MTOR: variants seen among roughly 807,000 people sequenced by gnomAD.
The protein encoded by MTOR is mechanistic target of rapamycin kinase, also known as serine/threonine-protein kinase mTOR.
In MTOR, 70 loss-of-function variants were observed where a neutral mutation model predicts 319.8. The observed-to-expected ratio is 0.22, with a 90% CI of 0.18 to 0.27. The LOEUF is 0.27. Among genes scored for constraint, MTOR ranks in the 10% least tolerant of loss-of-function variants. MTOR has a pLI of 1.00. For missense variants in MTOR, 1,890 were observed against 3,274.4 expected (o/e 0.58, Z 10.32); for synonymous variants, 1,183 against 1,211.4 (o/e 0.98, Z 0.49).
At chr1:11,257,309 G>A (rs965908835) in intron 3 of MTOR, 144 bp from the exon 4 acceptor site, 1 of 689,452 alleles carries the variant, frequency 1.5e-6, no homozygotes, top group East Asian at 2.8e-5. Context: ...GCTGAGGCGG[G>A]CGGATTGCCT....
chr1:11,116,161 A>T (rs1259586157), intron 50 of MTOR, among the ~76,000 whole-genome samples: 1 of 152,228 alleles, frequency 6.6e-6, no homozygotes, highest in Non-Finnish European at 1.5e-5. Context: ...CGTAAATTAC[A>T]TGTTCAGTCA....
intron 28 of MTOR, chr1:11,195,012 T>C: frequency 6.2e-7 from 1 of 1,613,604 alleles, no homozygotes; most frequent in African/African-American, 1.3e-5. Context: ...CCCAGAAGAC[T>C]TCAAGCCTTA....
chr1:11,162,119 G>T (rs1644495436), intron 29 of MTOR, among the ~76,000 whole-genome samples: 1 of 152,232 alleles, frequency 6.6e-6, no homozygotes, highest in Non-Finnish European at 1.5e-5. Flanking sequence ...ACCATGGCAT[G>T]AGAACTACGT....
rs1359089231 is a variant in MTOR, at chr1:11,257,035, G to T, written c.402C>A (p.Ala134=). Residue 134 remains alanine (A), a synonymous_variant, in exon 4 of 58, where the codon GCC becomes GCA. Transcript: ENST00000361445. ...EMASKAIGRL[A]MAGDTFTAEY... is the part of the protein sequence containing the mutation. ...CAGCGGTAAAAGTGTCCCCTGCCAT[G>T]GCAAGACGGCCAATGGCCTTGGATG... 6.2e-7 allele frequency: 1 copy of T among 1,614,146 alleles called. No homozygotes were observed. Among genetic ancestry groups the T allele is most frequent in the Non-Finnish European group, 8.5e-7 (1 of 1,180,016 alleles).
intron 30 of MTOR, among the ~76,000 whole-genome samples, chr1:11,156,231 C>A (rs1056173859): frequency 2.6e-5 from 4 of 152,238 alleles, no homozygotes; most frequent in African/African-American, 9.6e-5. Context: ...TTCAAATGAT[C>A]TGCCTGCCTT....
intron 28 of MTOR, among the ~76,000 whole-genome samples, chr1:11,178,783 C>G (rs1645063728): frequency 6.6e-6 from 1 of 152,184 alleles, no homozygotes; most frequent in African/African-American, 2.4e-5. Context: ...TGACTCAAAA[C>G]TGAGGTGATA....
At chr1:11,125,832 A>T (rs1642801795) in intron 46 of MTOR, among the ~76,000 whole-genome samples, 1 of 149,548 alleles carries the variant, frequency 6.7e-6, no homozygotes, top group Non-Finnish European at 1.5e-5. Context: ...ACTTGAGGTC[A>T]GAGTTCGAGA....
intron 28 of MTOR, chr1:11,194,951 T>C (rs2076658): frequency 0.038 from 60,731 of 1,613,952 alleles, 2,074 homozygotes; most frequent in South Asian, 0.12. Flanking sequence ...TCACCTGGTA[T>C]GGCTGGCATG....
At chr1:11,139,089 C>A in intron 36 of MTOR, 1 of 566,752 alleles carries the variant, frequency 1.8e-6, no homozygotes, top group Admixed American at 3.6e-5. Flanking sequence ...TGATCACATT[C>A]ATTGGTTTGA....
intron 16 of MTOR, 46 bp downstream of exon 16, chr1:11,232,390 G>T: frequency 6.9e-7 from 1 of 1,455,138 alleles, no homozygotes; most frequent in South Asian, 1.1e-5. Context: ...AAAGTCCCTG[G>T]ACTCATGGGG....
At chr1:11,206,635 G>A (rs1646146891) in intron 25 of MTOR, among the ~76,000 whole-genome samples, 1 of 152,196 alleles carries the variant, frequency 6.6e-6, no homozygotes, top group African/African-American at 2.4e-5. Flanking sequence ...AAAAATCATA[G>A]CTTAATTTAT....
chr1:11,118,066 C>A (rs187834365), intron 49 of MTOR, among the ~76,000 whole-genome samples: 1 of 150,912 alleles, frequency 6.6e-6, no homozygotes, highest in African/African-American at 2.4e-5. Flanking sequence ...GCAACAAGAG[C>A]GAAACTCTCT....
At chr1:11,124,429 A>G in intron 47 of MTOR, 69 bp downstream of exon 47, 1 of 1,566,156 alleles carries the variant, frequency 6.4e-7, no homozygotes, top group Non-Finnish European at 8.7e-7. Context: ...ATACATGACT[A>G]CACGAGACAA....
At chr1:11,213,590 G>T (rs776146863) in intron 20 of MTOR, 24 bp from the exon 21 acceptor site, 1 of 1,609,618 alleles carries the variant, frequency 6.2e-7, no homozygotes, top group Admixed American at 1.7e-5. Flanking sequence ...AAAGTCAGAG[G>T]AGCTGAGTCA....
chr1:11,183,785 C>T (rs1645230984), intron 28 of MTOR, among the ~76,000 whole-genome samples: 1 of 152,022 alleles, frequency 6.6e-6, no homozygotes, highest in Non-Finnish European at 1.5e-5. Flanking sequence ...TAACGATCAA[C>T]AGTCTTTTCT....
At chr1:11,247,771 T>C (rs1314335954) in intron 7 of MTOR, 38 bp from the exon 8 acceptor site, 5 of 1,613,612 alleles carry the variant, frequency 3.1e-6, no homozygotes, top group East Asian at 4.5e-5. Context: ...AGGGGAAAAG[T>C]GAGGTGTGGA....
chr1:11,187,092 A>G (rs1038528366), intron 28 of MTOR, among the ~76,000 whole-genome samples: 2 of 152,218 alleles, frequency 1.3e-5, no homozygotes, highest in Non-Finnish European at 2.9e-5. Context: ...CTGCCCACAT[A>G]TAAGAATCAA....
At chr1:11,148,203 C>A (rs544603279) in intron 31 of MTOR, among the ~76,000 whole-genome samples, 10 of 152,096 alleles carry the variant, frequency 6.6e-5, no homozygotes, top group Admixed American at 2.6e-4. Flanking sequence ...AATGGAGGCA[C>A]AGGCTGAGCA....
At chr1:11,256,321 G>T in intron 4 of MTOR, 129 bp from the exon 5 acceptor site, 1 of 1,451,354 alleles carries the variant, frequency 6.9e-7, no homozygotes, top group Non-Finnish European at 9.1e-7. Flanking sequence ...TTCTAGCTAG[G>T]AAATTCTGAG....
Sources: gnomAD v4.1 joint callset for allele counts (sites outside exome capture counted in the v4.1 genomes callset) on GRCh38, gnomAD v4.1.1 for gene constraint, MANE v1.5 for transcripts, NCBI Gene and HGNC (gene_info 2026-07-23, HGNC 2026-07-21) for gene names.